Variants in GIGYF2 observed in about 807,000 individuals in gnomAD.
GIGYF2 encodes GRB10 interacting GYF protein 2, also known as GRB10-interacting GYF protein 2.
Under a neutral mutation model 208.1 loss-of-function variants are expected in GIGYF2, and 25 were observed. The observed-to-expected ratio is 0.12, with a 90% CI of 0.09 to 0.17. The LOEUF (loss-of-function observed/expected upper bound fraction) is 0.17. Ranked by LOEUF, GIGYF2 falls within the 10% of genes least tolerant of loss-of-function variation. The pLI is 1.00. For synonymous variants in GIGYF2, 534 were observed against 543.8 expected (o/e 0.98, Z 0.25); for missense variants, 1,302 against 1,579.4 (o/e 0.82, Z 2.98).
chr2:232,770,861 TG>T lies in GIGYF2; in HGVS notation c.532+9426del, dbSNP rs751914348. The T allele has an allele frequency of 4.9e-6, 7 of 1,425,784 alleles. No individual in the cohort carries two copies. The African/African-American group carries it at 9.9e-5, about 20-fold the overall frequency. The allele number at this position is 1,425,784 out of a possible 1,614,324, so 88.3% of individuals were successfully genotyped here. A position where few individuals can be genotyped will look rare whatever the true frequency, so the allele number is the denominator to read the frequency against. The stretch of plus-strand genomic sequence containing the variant: ...AAACACCTGTAGTTTTGTTTTGTTT[TG>T]TTTTTGTTTTTGTTTTTTTTAAGAA... On this transcript the variant is annotated intron_variant, in intron 8 of 28. Coordinates refer to ENST00000373563, the MANE Select transcript of GIGYF2 (RefSeq NM_001103146.3).
chr2:232,734,331 A>C (rs1697636942), intron 2 of GIGYF2: 1 of 151,982 alleles, frequency 6.6e-6, no homozygotes, highest in African/African-American at 2.4e-5. Context: ...GGCTCAAGTG[A>C]TCCCTCCACC....
intron 5 of GIGYF2, among the ~76,000 whole-genome samples, chr2:232,755,328 G>A (rs1698492783): frequency 6.6e-6 from 1 of 152,010 alleles, no homozygotes; most frequent in African/African-American, 2.4e-5. Context: ...CTGCCACCGC[G>A]CCCGGCTAAT....
chr2:232,775,372 T>C (rs541465139), intron 8 of GIGYF2, among the ~76,000 whole-genome samples: 19 of 152,340 alleles, frequency 1.2e-4, no homozygotes, highest in African/African-American at 4.1e-4. Flanking sequence ...ATAATAAGAT[T>C]TCTTAAAGCT....
chr2:232,842,554 T>G (rs1256576772), intron 23 of GIGYF2, among the ~76,000 whole-genome samples: 2 of 152,226 alleles, frequency 1.3e-5, no homozygotes, highest in Admixed American at 6.5e-5. Flanking sequence ...ATTATTTTTG[T>G]TTTGGTCTTT....
intron 1 of GIGYF2, among the ~76,000 whole-genome samples, chr2:232,698,689 G>A (rs1695714732): frequency 1.3e-5 from 2 of 152,202 alleles, no homozygotes; most frequent in Admixed American, 1.3e-4. Context: ...ATCAGATGTT[G>A]ACAACAGAAG....
intron 16 of GIGYF2, chr2:232,810,455 T>C (rs924531895): frequency 3.9e-5 from 6 of 153,304 alleles, no homozygotes; most frequent in African/African-American, 1.4e-4. Flanking sequence ...AGTTAATTAT[T>C]TTAGGAGTGG....
chr2:232,782,981 T>C (rs967900257), intron 8 of GIGYF2, among the ~76,000 whole-genome samples: 5 of 152,180 alleles, frequency 3.3e-5, no homozygotes, highest in Non-Finnish European at 4.4e-5. Context: ...TGTACATTTG[T>C]GATTAGTGTA....
At chr2:232,834,586 T>C (rs1213573558) in intron 22 of GIGYF2, among the ~76,000 whole-genome samples, 1 of 152,230 alleles carries the variant, frequency 6.6e-6, no homozygotes, top group East Asian at 1.9e-4. Context: ...TTAATGTTTT[T>C]CCATAAACTG....
intron 14 of GIGYF2, among the ~76,000 whole-genome samples, chr2:232,803,159 G>T (rs934611252): frequency 6.6e-6 from 1 of 152,178 alleles, no homozygotes; most frequent in Non-Finnish European, 1.5e-5. Flanking sequence ...CCAAACTGCT[G>T]GGATTACTGG....
At chr2:232,831,637 C>T (rs1701427574) in intron 21 of GIGYF2, among the ~76,000 whole-genome samples, 1 of 152,192 alleles carries the variant, frequency 6.6e-6, no homozygotes, top group Non-Finnish European at 1.5e-5. Flanking sequence ...GAGGTCTGCC[C>T]ATCAGCCTGT....
chr2:232,728,175 G>A (rs919853156), intron 2 of GIGYF2, among the ~76,000 whole-genome samples: 5 of 152,154 alleles, frequency 3.3e-5, no homozygotes, highest in Non-Finnish European at 5.9e-5. Flanking sequence ...AAAGAGGAAG[G>A]AAAATGCAGT....
intron 13 of GIGYF2, among the ~76,000 whole-genome samples, chr2:232,795,223 A>G (rs145173328): frequency 2.6e-5 from 4 of 152,324 alleles, no homozygotes; most frequent in African/African-American, 4.8e-5. Flanking sequence ...TGGAATGCCA[A>G]AAATGGTGAA....
chr2:232,736,212 T>A (rs1156702534), intron 3 of GIGYF2: 1 of 951,426 alleles, frequency 1.1e-6, no homozygotes, highest in Non-Finnish European at 1.3e-6. Flanking sequence ...ATTTTGAGAG[T>A]TTATTTAGAA....
At chr2:232,776,309 A>AC (rs747970675) in intron 8 of GIGYF2, 1 of 570,378 alleles carries the variant, frequency 1.8e-6, no homozygotes, top group Non-Finnish European at 3.1e-6. Flanking sequence ...TAGAAACCTT[A>AC]CTATCCTACA....
chr2:232,752,258 A>G (rs898969492), intron 5 of GIGYF2, among the ~76,000 whole-genome samples: 1 of 152,184 alleles, frequency 6.6e-6, no homozygotes, highest in African/African-American at 2.4e-5. Context: ...AGAGATTAGT[A>G]TTGACTAGAT....
At chr2:232,811,102 TGAA>T (rs904144918) in intron 16 of GIGYF2, 139 bp from the exon 17 acceptor site, 3 of 636,462 alleles carry the variant, frequency 4.7e-6, no homozygotes, top group Non-Finnish European at 5.6e-6. Flanking sequence ...ATTATCATAA[TGAA>T]GAATTATAAA....
chr2:232,752,642 G>A (rs954504147), intron 5 of GIGYF2, among the ~76,000 whole-genome samples: 1 of 151,950 alleles, frequency 6.6e-6, no homozygotes, highest in South Asian at 2.1e-4. Flanking sequence ...TCGGGTTCAC[G>A]CCATTCTCCT....
At chr2:232,749,174 T>C in intron 5 of GIGYF2, 92 bp downstream of exon 5, 1 of 776,364 alleles carries the variant, frequency 1.3e-6, no homozygotes, top group South Asian at 1.4e-5. Context: ...CTAAGGATTA[T>C]CCTGCATCCT....
At chr2:232,726,895 G>T (rs2106282580) in intron 2 of GIGYF2, among the ~76,000 whole-genome samples, 1 of 152,152 alleles carries the variant, frequency 6.6e-6, no homozygotes, top group African/African-American at 2.4e-5. Context: ...TGAATAAAAG[G>T]TTGTTTATTG....
Sources: allele counts gnomAD v4.1 joint callset (sites outside exome capture counted in the v4.1 genomes callset), GRCh38; gene constraint gnomAD v4.1.1; transcripts MANE v1.5; gene names NCBI Gene and HGNC (gene_info 2026-07-23, HGNC 2026-07-21).